The following KCND2 variants were observed in gnomAD, a reference collection of about 807,000 sequenced individuals.
KCND2 encodes potassium voltage-gated channel subfamily D member 2.
KCND2 carries 16 observed loss-of-function variants against 54.4 expected under a neutral mutation model. That is an observed-to-expected ratio of 0.29 (90% CI 0.20 to 0.45). KCND2 has a LOEUF of 0.45. KCND2 is among the 20% of genes least tolerant of loss of function. KCND2 has a pLI of 1.00. For missense variants in KCND2, 486 were observed against 824.2 expected (o/e 0.59, Z 5.02); for synonymous variants, 317 against 310.7 (o/e 1.02, Z -0.21).
intron 1 of KCND2, among the ~76,000 whole-genome samples, chr7:120,672,619 A>G (rs1373255479): frequency 2.0e-5 from 3 of 152,066 alleles, no homozygotes; most frequent in Non-Finnish European, 4.4e-5. Flanking sequence ...TGTACCATCC[A>G]TTGTTGTTAC....
intron 1 of KCND2, among the ~76,000 whole-genome samples, chr7:120,456,351 T>C (rs1219517295): frequency 6.6e-6 from 1 of 152,244 alleles, no homozygotes; most frequent in East Asian, 1.9e-4. Context: ...TTGGATAATA[T>C]TGAATAATCT....
intron 1 of KCND2, among the ~76,000 whole-genome samples, chr7:120,528,553 G>T (rs1791804970): frequency 6.6e-6 from 1 of 151,982 alleles, no homozygotes. Context: ...CTTTTTTCAG[G>T]ACTCTGTTCT....
chr7:120,524,290 A>C (rs1382263258), intron 1 of KCND2, among the ~76,000 whole-genome samples: 1 of 152,124 alleles, frequency 6.6e-6, no homozygotes, highest in Non-Finnish European at 1.5e-5. Flanking sequence ...TATACTAAGA[A>C]TAATAAGGTA....
In KCND2 at chr7:120,578,026, C is replaced by T. The variant is rs533264380; in HGVS notation, c.1116-154877C>T. On this transcript the variant is annotated intron_variant, in intron 1 of 5. Transcript: ENST00000331113. ...GACAAGCCTGAGCAACATGGCAAAA[C>T]GAAGAAGGAGAAGAAGGAGAAGAAG... Among the ~76,000 whole-genome samples, 7 of 131,472 alleles carry T rather than the reference C, an allele frequency of 5.3e-5. No homozygotes were observed. The East Asian group carries it at 8.3e-4, about 16-fold the overall frequency. 86.3% of individuals were successfully genotyped at this position (131,472 alleles called of 152,430 possible). A position where few individuals can be genotyped will look rare whatever the true frequency, so the allele number is the denominator to read the frequency against.
intron 1 of KCND2, among the ~76,000 whole-genome samples, chr7:120,425,702 G>A (rs1801696906): frequency 6.6e-6 from 1 of 152,200 alleles, no homozygotes; most frequent in African/African-American, 2.4e-5. Flanking sequence ...CCTGTTCTCT[G>A]GTTGTAGACT....
intron 1 of KCND2, among the ~76,000 whole-genome samples, chr7:120,314,710 AT>A (rs1799787953): frequency 6.6e-6 from 1 of 152,198 alleles, no homozygotes; most frequent in African/African-American, 2.4e-5. Context: ...ATAGTATAAT[AT>A]TACAATGCAA....
chr7:120,661,631 C>A (rs866006284), intron 1 of KCND2, among the ~76,000 whole-genome samples: 2 of 147,758 alleles, frequency 1.4e-5, no homozygotes. Flanking sequence ...GCCTGGGTGA[C>A]AGAGCTAGAC....
chr7:120,349,402 C>T (rs1800370414), intron 1 of KCND2, among the ~76,000 whole-genome samples: 1 of 151,982 alleles, frequency 6.6e-6, no homozygotes, highest in Admixed American at 6.6e-5. Flanking sequence ...CAATGTCTTT[C>T]TGGAATTAAT....
Position 120,575,816 on chromosome 7 carries a change from G to A in KCND2, c.1116-157087G>A, listed in dbSNP as rs1486070370. Among the ~76,000 whole-genome samples, 3 of 152,124 alleles carry A rather than the reference G, an allele frequency of 2.0e-5. No homozygotes were observed. The South Asian group carries it at 6.2e-4, about 32-fold the overall frequency. On this transcript the variant is annotated intron_variant, in intron 1 of 5. Transcript: ENST00000331113. ...CTGGTGACTCTGGTATCATTATATG[G>A]ATAAGAACACTCTTCACATGCCCTT...
chr7:120,275,880 G>A (rs1799166448), intron 1 of KCND2, 133 bp downstream of exon 1: 1 of 1,011,420 alleles, frequency 9.9e-7, no homozygotes, highest in Non-Finnish European at 1.5e-6. Flanking sequence ...TTATCTAAAT[G>A]GTTTGGCAAA....
intron 1 of KCND2, among the ~76,000 whole-genome samples, chr7:120,452,869 G>A (rs556410113): frequency 2.6e-5 from 4 of 152,242 alleles, no homozygotes; most frequent in African/African-American, 7.2e-5. Context: ...AGAGCAGGGC[G>A]GTCATGCCCC....
chr7:120,719,023 G>A (rs1418111020), intron 1 of KCND2, among the ~76,000 whole-genome samples: 1 of 152,042 alleles, frequency 6.6e-6, no homozygotes, highest in Non-Finnish European at 1.5e-5. Context: ...TTCAATTTGT[G>A]ATCAGCATCA....
At chr7:120,579,026 T>C (rs1792477902) in intron 1 of KCND2, among the ~76,000 whole-genome samples, 1 of 152,156 alleles carries the variant, frequency 6.6e-6, no homozygotes, top group Non-Finnish European at 1.5e-5. Flanking sequence ...TTCCTAGATA[T>C]TCACTCCAAA....
chr7:120,323,441 C>A (rs1053178585), intron 1 of KCND2, among the ~76,000 whole-genome samples: 1 of 151,314 alleles, frequency 6.6e-6, no homozygotes, highest in Non-Finnish European at 1.5e-5. Flanking sequence ...ACTGCTATCC[C>A]TCCCCACTCC....
intron 1 of KCND2, among the ~76,000 whole-genome samples, chr7:120,413,862 G>T (rs1157757177): frequency 6.6e-6 from 1 of 151,480 alleles, no homozygotes; most frequent in Non-Finnish European, 1.5e-5. Flanking sequence ...CAATGTTTCC[G>T]AGATGCTTTT....
intron 1 of KCND2, among the ~76,000 whole-genome samples, chr7:120,417,739 A>C (rs954084431): frequency 6.6e-6 from 1 of 152,162 alleles, no homozygotes. Context: ...AGAATACATC[A>C]TTATGGGAAG....
chr7:120,642,026 C>T (rs1793383060), intron 1 of KCND2, among the ~76,000 whole-genome samples: 1 of 151,962 alleles, frequency 6.6e-6, no homozygotes. Context: ...AAAAATATTA[C>T]TGAATAAAAA....
intron 1 of KCND2, among the ~76,000 whole-genome samples, chr7:120,676,230 CTT>C (rs1436629172): frequency 6.6e-6 from 1 of 152,116 alleles, no homozygotes; most frequent in Non-Finnish European, 1.5e-5. Context: ...CTTCTTATCT[CTT>C]GTCAATGTTG....
chr7:120,536,557 A>C (rs1791909708), intron 1 of KCND2, among the ~76,000 whole-genome samples: 1 of 152,176 alleles, frequency 6.6e-6, no homozygotes, highest in African/African-American at 2.4e-5. Context: ...TTATCAACAA[A>C]ATTTGTGTAA....
Sources: gnomAD v4.1 joint callset for allele counts (sites outside exome capture counted in the v4.1 genomes callset) on GRCh38, gnomAD v4.1.1 for gene constraint, MANE v1.5 for transcripts, NCBI Gene and HGNC (gene_info 2026-07-23, HGNC 2026-07-21) for gene names.